The following POR variants were observed in gnomAD, a reference collection of about 807,000 sequenced individuals.
POR encodes the protein cytochrome p450 oxidoreductase.
A neutral mutation model predicts 84.0 loss-of-function variants in POR; 56 were observed. That is an observed-to-expected ratio of 0.67 (90% CI 0.54 to 0.83). The LOEUF (loss-of-function observed/expected upper bound fraction) is 0.83, where lower values mean the gene tolerates loss of function less well. Ranked by LOEUF, POR falls within the 40% of genes least tolerant of loss-of-function variation. The pLI, the probability that POR is intolerant of heterozygous loss-of-function variation, is 0.00. For synonymous variants in POR, 414 were observed against 400.5 expected (o/e 1.03, Z -0.40); for missense variants, 938 against 944.3 (o/e 0.99, Z 0.09).
rs532496328 is a variant in POR, at chr7:75,920,378, A to C, written c.-5+5199A>C. 2.2e-3 allele frequency among the ~76,000 whole-genome samples: 336 copies of C among 152,166 alleles called. 3 individuals carry two copies. Among genetic ancestry groups the C allele is most frequent in the African/African-American group, 7.5e-3 (310 of 41,550 alleles). ...GAGCCACCATGTCCAGCTTATAAGA[A>C]TTGAATTCTTTAGGAGACATTTGGT... On this transcript the variant is annotated intron_variant, in intron 1 of 15. Transcript: ENST00000461988.
At chr7:75,983,940 C>A in intron 10 of POR, 84 bp downstream of exon 10, 1 of 1,121,440 alleles carries the variant, frequency 8.9e-7, no homozygotes, top group Non-Finnish European at 1.3e-6. Flanking sequence ...TGAGCTTCTG[C>A]TTAGGCCTGA....
intron 2 of POR, among the ~76,000 whole-genome samples, chr7:75,958,923 C>CCAAA (rs2116452286): frequency 6.6e-6 from 1 of 152,264 alleles, no homozygotes; most frequent in East Asian, 1.9e-4. Flanking sequence ...AGATCTTGGA[C>CCAAA]TTTGGAATGT....
intron 3 of POR, among the ~76,000 whole-genome samples, chr7:75,974,530 T>TC (rs1788588662): frequency 6.8e-6 from 1 of 146,146 alleles, no homozygotes; most frequent in Non-Finnish European, 1.5e-5. Flanking sequence ...TTTTCTTTTT[T>TC]TTTTTTTTTT....
intron 1 of POR, among the ~76,000 whole-genome samples, chr7:75,939,536 C>CTTTT (rs3043448): frequency 4.0e-5 from 5 of 126,094 alleles, no homozygotes; most frequent in Non-Finnish European, 8.4e-5. Flanking sequence ...TACTCAACAG[C>CTTTT]TTTTTTTTTT....
chr7:75,967,610 G>T (rs1412122770), intron 2 of POR, among the ~76,000 whole-genome samples: 1 of 151,736 alleles, frequency 6.6e-6, no homozygotes, highest in African/African-American at 2.4e-5. Flanking sequence ...GTCTTCTAGA[G>T]CCTAGAAGAG....
At chr7:75,920,998 T>C (rs782812576) in intron 1 of POR, among the ~76,000 whole-genome samples, 1 of 152,158 alleles carries the variant, frequency 6.6e-6, no homozygotes, top group Non-Finnish European at 1.5e-5. Flanking sequence ...CTTTGACTGC[T>C]CATGAAACCA....
intron 1 of POR, among the ~76,000 whole-genome samples, chr7:75,916,291 A>C (rs1806564601): frequency 6.6e-6 from 1 of 152,218 alleles, no homozygotes; most frequent in African/African-American, 2.4e-5. Context: ...TGGGGGATCC[A>C]GTATCCCCAC....
rs782232516 is a variant in POR at position 75,983,639 on chromosome 7, A to G, written c.947+3A>G. The G allele has an allele frequency of 6.3e-5, 102 of 1,611,540 alleles. No individual in the cohort carries two copies. The highest frequency in any genetic ancestry group is 8.6e-5 in the Non-Finnish European group (101 of 1,178,740). ...GACATCTCGGACTCCAAAATCAGGT[A>G]CCAGCTGCCACTGTCACCCCCTGAA... On this transcript the variant is annotated splice_donor_region_variant and intron_variant, in intron 9 of 15. Coordinates refer to ENST00000461988, the MANE Select transcript of POR (RefSeq NM_000941.3).
intron 1 of POR, among the ~76,000 whole-genome samples, chr7:75,939,128 C>T (rs1807840139): frequency 6.6e-6 from 1 of 152,248 alleles, no homozygotes; most frequent in South Asian, 2.1e-4. Flanking sequence ...ATGTCTGCTC[C>T]TGCCTGAACC....
In POR at chr7:75,951,065, C is replaced by G. The variant is rs1363553380; in HGVS notation, c.-4-2924C>G. Among the ~76,000 whole-genome samples the G allele has an allele frequency of 2.5e-4, 14 of 56,548 alleles. 2 individuals carry two copies. The South Asian group carries it at 0.016, about 64-fold the overall frequency. The allele number at this position is 56,548 out of a possible 152,430, so 37.1% of individuals were successfully genotyped here. A position where few individuals can be genotyped will look rare whatever the true frequency, so the allele number is the denominator to read the frequency against. On this transcript the variant is annotated intron_variant, in intron 1 of 15. Transcript: ENST00000461988. The stretch of plus-strand genomic sequence containing the variant: ...CAGAGCGAGGCTCTGTCCCCCGGCC[C>G]CCCCCCCCCCCGAAAAAAAAAAAGT...
At chr7:75,952,676 C>T (rs1787496330) in intron 1 of POR, among the ~76,000 whole-genome samples, 2 of 151,046 alleles carry the variant, frequency 1.3e-5, no homozygotes, top group African/African-American at 2.4e-5. Flanking sequence ...CTCCTCACAT[C>T]CCAGACGGGG....
chr7:75,923,216 A>C, intron 1 of POR: 1 of 1,111,480 alleles, frequency 9.0e-7, no homozygotes, highest in Non-Finnish European at 1.4e-6. Flanking sequence ...CTGACAACAC[A>C]GTGATTGAGG....
chr7:75,951,003 G>C (rs1787388182), intron 1 of POR, among the ~76,000 whole-genome samples: 1 of 147,724 alleles, frequency 6.8e-6, no homozygotes, highest in Non-Finnish European at 1.5e-5. Context: ...AGGTTGCAGT[G>C]AGCCGAGATC....
chr7:75,951,610 C>T (rs916009960), intron 1 of POR, among the ~76,000 whole-genome samples: 14 of 152,180 alleles, frequency 9.2e-5, no homozygotes, highest in African/African-American at 3.1e-4. Context: ...GTGACAGTGA[C>T]AGCCATCAGC....
Position 75,986,586 on chromosome 7 carries a change from G to A in POR, c.*105G>A, listed in dbSNP as rs1382344879. ...TGTTTGGCTTGGCCTTGGCATGGGC[G>A]CAGGCCCAGTGACAAAGACTCCTCT... On this transcript the variant is annotated 3_prime_UTR_variant, in exon 16 of 16. Coordinates refer to ENST00000461988, the MANE Select transcript of POR (RefSeq NM_000941.3). The A allele has an allele frequency of 3.8e-5, 53 of 1,395,642 alleles. No homozygotes were observed. The highest frequency in any genetic ancestry group is 3.0e-4 in the East Asian group (12 of 40,094). 86.5% of individuals were successfully genotyped at this position (1,395,642 alleles called of 1,614,324 possible).
intron 1 of POR, among the ~76,000 whole-genome samples, chr7:75,939,372 C>G (rs1807851708): frequency 6.6e-6 from 1 of 152,170 alleles, no homozygotes. Flanking sequence ...TCCAGGCCTG[C>G]TTTGGTGGGA....
At chr7:75,932,023 C>T (rs1807445482) in intron 1 of POR, among the ~76,000 whole-genome samples, 2 of 152,154 alleles carry the variant, frequency 1.3e-5, no homozygotes, top group African/African-American at 4.8e-5. Flanking sequence ...GGAATTGCTC[C>T]CGTCTCTTCA....
intron 2 of POR, among the ~76,000 whole-genome samples, chr7:75,963,951 C>CA (rs1308428676): frequency 2.0e-5 from 3 of 151,804 alleles, no homozygotes; most frequent in Non-Finnish European, 4.4e-5. Flanking sequence ...GTATAAATGA[C>CA]AAAAATTATA....
At position 75,980,457 on chromosome 7, in the gene POR, C is replaced by G; in HGVS notation, c.485C>G (p.Thr162Arg). 1 of 1,613,182 alleles carries G rather than the reference C, an allele frequency of 6.2e-7. No individual in the cohort carries two copies. The highest frequency in any genetic ancestry group is 8.5e-7 in the Non-Finnish European group (1 of 1,179,876). The change falls in exon 5 of 16, where the codon ACA becomes AGA. Residue 162 changes from threonine to arginine, a missense_variant. Thr to Arg is a moderately conservative substitution (Grantham distance 71). Coordinates refer to ENST00000461988, the MANE Select transcript of POR (RefSeq NM_000941.3). ...GACTTCTACGACTGGCTGCAGGAGACAGACGTGGATCTCTCTGGGGTCAAG... is the reference window on the plus strand; with the variant it reads ...GACTTCTACGACTGGCTGCAGGAGAGAGACGTGGATCTCTCTGGGGTCAAG...
Sources: gnomAD v4.1 joint callset for allele counts (sites outside exome capture counted in the v4.1 genomes callset) on GRCh38, gnomAD v4.1.1 for gene constraint, MANE v1.5 for transcripts, NCBI Gene and HGNC (gene_info 2026-07-23, HGNC 2026-07-21) for gene names.